The following SLC11A1 variants were observed in gnomAD, a reference collection of about 807,000 sequenced individuals.
SLC11A1 encodes the protein natural resistance-associated macrophage protein 1.
A neutral mutation model predicts 63.2 loss-of-function variants in SLC11A1; 59 were observed. The observed-to-expected ratio is 0.93, with a 90% CI of 0.76 to 1.16. The LOEUF (loss-of-function observed/expected upper bound fraction) is 1.16. SLC11A1 is among the 50% of genes most tolerant of loss of function. SLC11A1 has a pLI of 0.00. For synonymous variants in SLC11A1, 305 were observed against 307.8 expected, an observed-to-expected ratio of 0.99 and a Z score of 0.09; for missense variants, 688 against 730.7, an observed-to-expected ratio of 0.94 and a Z score of 0.67.
In SLC11A1 at chr2:218,395,064, C is replaced by A; in HGVS notation, c.*29C>A. ...CACACCAGGGCCTGGCTGGGAGTGG[C>A]ATGTATGACGTGACTGGCCTGCTGG... On this transcript the variant is annotated 3_prime_UTR_variant, in exon 15 of 15. Transcript: ENST00000233202. 1.3e-6 allele frequency: 2 copies of A among 1,517,364 alleles called. No homozygotes were observed. Among genetic ancestry groups the A allele is most frequent in the Non-Finnish European group, 1.8e-6 (2 of 1,112,070 alleles). 94.0% of individuals were successfully genotyped at this position (1,517,364 alleles called of 1,614,324 possible). A position where few individuals can be genotyped will look rare whatever the true frequency, so the allele number is the denominator to read the frequency against.
rs1032261832 is a variant in SLC11A1 at position 218,391,464 on chromosome 2, C to T, written c.1133C>T (p.Thr378Met). ...LLAAGQSSTM[T>M]GTYAGQFVME... is the part of the protein sequence containing the mutation. ...GCGGCTGGGCAGAGCTCCACCATGA[C>T]GGGCACCTACGCGGGACAGTTCGTG... The change falls in exon 11 of 15, where the codon ACG becomes ATG. Residue 378 changes from threonine (T) to methionine (M), a missense_variant. Thr to Met is a moderately conservative substitution (Grantham distance 81). Transcript: ENST00000233202. 27 of 1,609,492 alleles carry T rather than the reference C, an allele frequency of 1.7e-5. No individual in the cohort carries two copies. Among genetic ancestry groups the T allele is most frequent in the Non-Finnish European group, 2.2e-5 (26 of 1,178,082 alleles).
Position 218,391,407 on chromosome 2 carries a change from C to A in SLC11A1, c.1076C>A (p.Ala359Glu), listed in dbSNP as rs565399059. 6.2e-7 allele frequency: 1 copy of A among 1,614,016 alleles called. No individual in the cohort carries two copies. ...ATCCTGGGCTGCCTGTTCGGCCCCG[C>A]GGCCCTCTACATCTGGGCCATAGGT... ...GVILGCLFGP[A>E]ALYIWAIGLL... The change falls in exon 11 of 15, where the codon GCG becomes GAG. Residue 359 changes from alanine (A) to glutamate (E), a missense_variant. Physicochemically the swap from Ala to Glu is moderately radical, Grantham distance 107. Coordinates refer to ENST00000233202, the MANE Select transcript of SLC11A1 (RefSeq NM_000578.4).
chr2:218,383,182 C>T, intron 2 of SLC11A1, 80 bp downstream of exon 2: 1 of 1,503,756 alleles, frequency 6.7e-7, no homozygotes, highest in South Asian at 1.2e-5. Context: ...AATGGGGTCT[C>T]CTTATGATCA....
At chr2:218,385,456 T>C (rs887854381) in intron 4 of SLC11A1, 190 bp downstream of exon 4, 13 of 713,254 alleles carry the variant, frequency 1.8e-5, no homozygotes, top group Middle Eastern at 2.4e-4. Flanking sequence ...AATGGTGCGA[T>C]GTCAGCTCAC....
chr2:218,388,018 C>T, intron 8 of SLC11A1, 63 bp downstream of exon 8: 1 of 1,472,416 alleles, frequency 6.8e-7, no homozygotes, highest in Non-Finnish European at 9.1e-7. Flanking sequence ...GGCTCCGCCT[C>T]CAAGCCTGGA....
rs146731249 is a variant in SLC11A1, at chr2:218,392,106, A to T, written c.1164+611A>T. 9.3e-3 allele frequency: 3,595 copies of T among 385,870 alleles called. 122 individuals carry two copies. Among genetic ancestry groups the T allele is most frequent in the African/African-American group, 0.071 (3,115 of 43,974 alleles). 23.9% of individuals were successfully genotyped at this position (385,870 alleles called of 1,614,324 possible). On this transcript the variant is annotated intron_variant, in intron 11 of 14. Transcript: ENST00000233202. ...TTTTTTGAGACGGCGTTTCGCTCTTATTGCCCAGGCTGGAGTGCAATGGCG... is the reference window on the plus strand; with the variant it reads ...TTTTTTGAGACGGCGTTTCGCTCTTTTTGCCCAGGCTGGAGTGCAATGGCG...
At chr2:218,390,084 C>T in intron 9 of SLC11A1, 56 bp downstream of exon 9, 1 of 1,555,718 alleles carries the variant, frequency 6.4e-7, no homozygotes, top group Non-Finnish European at 8.7e-7. Flanking sequence ...GTCCTGTAAG[C>T]CTTGCCGAGG....
intron 12 of SLC11A1, among the ~76,000 whole-genome samples, chr2:218,393,474 A>AC (rs1445979831): frequency 7.7e-6 from 1 of 130,368 alleles, no homozygotes; most frequent in East Asian, 2.2e-4. Flanking sequence ...CACCCAGCTA[A>AC]TTTTTTTTTT....
intron 4 of SLC11A1, among the ~76,000 whole-genome samples, chr2:218,385,956 G>A (rs1435022635): frequency 6.6e-6 from 1 of 152,148 alleles, no homozygotes; most frequent in Non-Finnish European, 1.5e-5. Flanking sequence ...GGGATTGAAA[G>A]GTTTGGGAGG....
Position 218,394,156 on chromosome 2 carries a change from A to T in SLC11A1, c.1351A>T (p.Ser451Cys). ...CGTGCTGCCCATCCTCACGTTCACC[A>T]GCATGCCCACCCTCATGCAGGAGTT... ...FAVLPILTFT[S>C]MPTLMQEFAN... Residue 451 changes from serine (S) to cysteine (C), a missense_variant, in exon 13 of 15, where the codon AGC (serine) becomes TGC (cysteine). Transcript: ENST00000233202. The T allele has an allele frequency of 6.2e-7, 1 of 1,614,084 alleles. No homozygotes were observed. Among genetic ancestry groups the T allele is most frequent in the Non-Finnish European group, 8.5e-7 (1 of 1,180,000 alleles).
In SLC11A1 at chr2:218,383,103, G is replaced by C. The variant is rs748852511; in HGVS notation, c.150+1G>C. Reference sequence around the variant, plus strand: ...GATCCCCATCCCAGACACAAAACCGGTGGGATGCTGGAAACTTCCTGGGGG... The same window carrying C: ...GATCCCCATCCCAGACACAAAACCGCTGGGATGCTGGAAACTTCCTGGGGG... On this transcript the variant is annotated splice_donor_variant, in intron 2 of 14. Transcript: ENST00000233202. LOFTEE classifies it high-confidence loss of function. 1.1e-5 allele frequency: 17 copies of C among 1,613,368 alleles called. No individual in the cohort carries two copies. Among genetic ancestry groups the C allele is most frequent in the Non-Finnish European group, 1.4e-5 (16 of 1,179,772 alleles).
intron 9 of SLC11A1, 26 bp from the exon 10 acceptor site, chr2:218,391,172 T>C: frequency 6.2e-7 from 1 of 1,607,982 alleles, no homozygotes. Flanking sequence ...CCTCACATCT[T>C]CCTTCTACTG....
chr2:218,382,913 C>T (rs773201336), intron 1 of SLC11A1, 47 bp from the exon 2 acceptor site: 1 of 1,611,780 alleles, frequency 6.2e-7, no homozygotes, highest in Admixed American at 1.7e-5. Flanking sequence ...AACTCTGGGC[C>T]ACCAGAAAGA....
At position 218,384,544 on chromosome 2, in the gene SLC11A1, G is replaced by C. The variant is rs989761171; in HGVS notation, c.273+179G>C. 4 of 457,682 alleles carry C rather than the reference G, an allele frequency of 8.7e-6. No individual in the cohort carries two copies. Among genetic ancestry groups the C allele is most frequent in the Admixed American group, 7.2e-5 (2 of 27,628 alleles). 28.4% of individuals were successfully genotyped at this position (457,682 alleles called of 1,614,324 possible). On this transcript the variant is annotated intron_variant, in intron 3 of 14. Transcript: ENST00000233202. This position sits in a 1 kb window ranked among gnomAD's most constrained non-coding sequence, Gnocchi z 4.0. ...CAGAAGGTGGGGCATTTGTGTGGGG[G>C]GTAGGGGACTGGACTCCTCTCTTTA...
At chr2:218,394,298 C>A in intron 13 of SLC11A1, 105 bp downstream of exon 13, 3 of 1,229,002 alleles carry the variant, frequency 2.4e-6, no homozygotes, top group Non-Finnish European at 3.5e-6. Context: ...AATGAAGCCA[C>A]AGAGGCTGAG....
chr2:218,387,806 G>C lies in SLC11A1; in HGVS notation c.646G>C (p.Val216Leu). ...MALTFGYEYV[V>L]ARPEQGALLR... ...ACCAGGCTCCTCCCTGCAGTATGTG[G>C]TGGCGCGTCCTGAGCAGGGAGCGCT... The change falls in exon 8 of 15, where the codon GTG (valine) becomes CTG (leucine). Residue 216 changes from valine to leucine, a missense_variant. Coordinates refer to ENST00000233202, the MANE Select transcript of SLC11A1 (RefSeq NM_000578.4). 6.2e-7 allele frequency: 1 copy of C among 1,609,172 alleles called. No homozygotes were observed. Among genetic ancestry groups the C allele is most frequent in the Non-Finnish European group, 8.5e-7 (1 of 1,177,956 alleles).
chr2:218,387,170 T>G lies in SLC11A1; in HGVS notation c.511T>G (p.Trp171Gly). 6.2e-7 allele frequency: 1 copy of G among 1,614,188 alleles called. No individual in the cohort carries two copies. The highest frequency in any genetic ancestry group is 8.5e-7 in the Non-Finnish European group (1 of 1,180,002). ...CCACTCTGGTTTCAGAATCCCACTC[T>G]GGGGTGGCGTCCTCATCACCATCGT... ...NLLSAGRIPL[W>G]GGVLITIVDT... The change falls in exon 6 of 15, where the codon TGG becomes GGG. Residue 171 changes from tryptophan (W) to glycine (G), a missense_variant. Coordinates refer to ENST00000233202, the MANE Select transcript of SLC11A1 (RefSeq NM_000578.4).
chr2:218,394,483 A>AG (rs1191242582), intron 13 of SLC11A1, 149 bp from the exon 14 acceptor site: 1 of 865,326 alleles, frequency 1.2e-6, no homozygotes. Flanking sequence ...GGAGGTGGGG[A>AG]GGGGGTCTGT....
chr2:218,387,743 T>G (rs867151169), intron 7 of SLC11A1, 57 bp from the exon 8 acceptor site: 2 of 1,611,738 alleles, frequency 1.2e-6, no homozygotes, highest in African/African-American at 2.7e-5. Flanking sequence ...TGAGAAATGG[T>G]GACCGCGGCG....
Sources: allele counts gnomAD v4.1 joint callset (sites outside exome capture counted in the v4.1 genomes callset), GRCh38; gene constraint gnomAD v4.1.1; non-coding constraint Gnocchi (gnomAD v3.1); transcripts MANE v1.5; gene names NCBI Gene and HGNC (gene_info 2026-07-23, HGNC 2026-07-21).